The following CCDC81 variants were observed in gnomAD, a reference collection of about 807,000 sequenced individuals.
CCDC81 encodes coiled-coil domain containing 81, also known as coiled-coil domain-containing protein 81.
A neutral mutation model predicts 83.7 loss-of-function variants in CCDC81; 79 were observed. The observed-to-expected ratio is 0.94, with a 90% confidence interval of 0.79 to 1.14. The LOEUF is 1.14. CCDC81 is among the 50% of genes most tolerant of loss of function. The pLI, the probability that CCDC81 is intolerant of heterozygous loss-of-function variation, is 0.00. For missense variants in CCDC81, 791 were observed against 778.1 expected (o/e 1.02, Z -0.20); for synonymous variants, 252 against 278.1 (o/e 0.91, Z 0.93).
intron 13 of CCDC81, among the ~76,000 whole-genome samples, chr11:86,417,084 A>C (rs1277555855): frequency 2.6e-5 from 4 of 152,056 alleles, no homozygotes; most frequent in Non-Finnish European, 5.9e-5. Flanking sequence ...TCATTACTAA[A>C]AATACAAAAA....
intron 6 of CCDC81, 53 bp from the exon 7 acceptor site, chr11:86,400,625 A>T: frequency 6.5e-7 from 1 of 1,539,278 alleles, no homozygotes. Context: ...CTACACAGTT[A>T]GTGGTTTGAG....
At chr11:86,399,379 T>C (rs757601873) in intron 6 of CCDC81, among the ~76,000 whole-genome samples, 4 of 152,174 alleles carry the variant, frequency 2.6e-5, no homozygotes, top group Non-Finnish European at 4.4e-5. Flanking sequence ...TGGAGTGCAC[T>C]GTCTTGGCTC....
intron 7 of CCDC81, 125 bp downstream of exon 7, chr11:86,400,926 T>A (rs534502344): frequency 1.0e-6 from 1 of 966,836 alleles, no homozygotes; most frequent in South Asian, 2.0e-5. Context: ...GCTTTCTATA[T>A]GCAACATGAT....
At chr11:86,377,320 G>C (rs1034215675) in intron 1 of CCDC81, among the ~76,000 whole-genome samples, 2 of 152,092 alleles carry the variant, frequency 1.3e-5, no homozygotes, top group Non-Finnish European at 2.9e-5. Flanking sequence ...AAATACCCAG[G>C]GACATAATCG....
chr11:86,388,287 T>G (rs1948276149), intron 3 of CCDC81, among the ~76,000 whole-genome samples: 1 of 151,606 alleles, frequency 6.6e-6, no homozygotes, highest in South Asian at 2.1e-4. Flanking sequence ...TTCCAGGTGC[T>G]TGAGATATAG....
intron 13 of CCDC81, among the ~76,000 whole-genome samples, chr11:86,415,569 C>G (rs1389425232): frequency 6.6e-6 from 1 of 152,180 alleles, no homozygotes; most frequent in African/African-American, 2.4e-5. Context: ...TCTCTTGACA[C>G]TTTAGTGTTT....
intron 13 of CCDC81, among the ~76,000 whole-genome samples, chr11:86,416,717 C>T (rs375869352): frequency 6.6e-6 from 1 of 152,116 alleles, no homozygotes; most frequent in East Asian, 1.9e-4. Flanking sequence ...ATATTCTTTA[C>T]TGGTTATGGC....
intron 7 of CCDC81, 144 bp from the exon 8 acceptor site, chr11:86,407,470 C>T (rs1274338449): frequency 1.8e-6 from 1 of 568,698 alleles, no homozygotes; most frequent in African/African-American, 1.9e-5. Context: ...TTCTGTGGTA[C>T]ATATTCTTAA....
intron 7 of CCDC81, among the ~76,000 whole-genome samples, chr11:86,406,708 G>A (rs944131302): frequency 7.2e-5 from 11 of 152,142 alleles, no homozygotes; most frequent in African/African-American, 2.7e-4. Context: ...AGGAGGCCGA[G>A]GCAGGAGAAT....
intron 5 of CCDC81, 69 bp downstream of exon 5, chr11:86,395,482 C>A: frequency 1.7e-6 from 2 of 1,184,952 alleles, no homozygotes; most frequent in Non-Finnish European, 2.5e-6. Flanking sequence ...TCTCATTGGG[C>A]AGTGTTTCTC....
intron 1 of CCDC81, among the ~76,000 whole-genome samples, chr11:86,377,886 C>A (rs755333127): frequency 7.0e-6 from 1 of 142,250 alleles, no homozygotes; most frequent in Non-Finnish European, 1.5e-5. Context: ...TCTAGGAGTT[C>A]TGTGGTTTTG....
intron 10 of CCDC81, among the ~76,000 whole-genome samples, chr11:86,409,898 A>G (rs1274442073): frequency 6.6e-6 from 1 of 152,186 alleles, no homozygotes; most frequent in Non-Finnish European, 1.5e-5. Flanking sequence ...CTTGTTAATT[A>G]TGGTAATTCT....
chr11:86,401,124 A>G (rs1015547521), intron 7 of CCDC81, among the ~76,000 whole-genome samples: 3 of 152,138 alleles, frequency 2.0e-5, no homozygotes, highest in South Asian at 2.1e-4. Context: ...ATGTTTTCCG[A>G]GTGCTTGGAT....
chr11:86,394,918 G>T (rs1948382847), intron 4 of CCDC81, among the ~76,000 whole-genome samples: 2 of 152,118 alleles, frequency 1.3e-5, no homozygotes, highest in Non-Finnish European at 2.9e-5. Context: ...AGCAGTGTGG[G>T]GATTTGAACA....
intron 9 of CCDC81, 23 bp downstream of exon 9, chr11:86,408,293 C>A (rs1452799179): frequency 1.3e-6 from 2 of 1,592,770 alleles, no homozygotes; most frequent in Non-Finnish European, 8.5e-7. Flanking sequence ...CTCGATTAGT[C>A]TTTAATATGG....
chr11:86,376,224 C>T (rs887287282), intron 1 of CCDC81, among the ~76,000 whole-genome samples: 3 of 151,828 alleles, frequency 2.0e-5, no homozygotes, highest in Non-Finnish European at 4.4e-5. Flanking sequence ...GTAAATGATA[C>T]CAGGGAGGAG....
chr11:86,401,687 TAC>T (rs1317707965), intron 7 of CCDC81, among the ~76,000 whole-genome samples: 1 of 152,040 alleles, frequency 6.6e-6, no homozygotes, highest in Non-Finnish European at 1.5e-5. Flanking sequence ...TTATAAAACT[TAC>T]AGTGTTGCAG....
At chr11:86,408,624 C>T (rs1948595590) in intron 9 of CCDC81, among the ~76,000 whole-genome samples, 1 of 152,152 alleles carries the variant, frequency 6.6e-6, no homozygotes, top group Admixed American at 6.5e-5. Context: ...GGATTACAGG[C>T]ATTACCCACT....
At chr11:86,394,992 T>C (rs942333384) in intron 4 of CCDC81, 1 of 165,976 alleles carries the variant, frequency 6.0e-6, no homozygotes, top group Non-Finnish European at 1.3e-5. Context: ...GGGTCAAGAG[T>C]GGAATTAGAC....
Sources: allele counts gnomAD v4.1 joint callset (sites outside exome capture counted in the v4.1 genomes callset), GRCh38; gene constraint gnomAD v4.1.1; transcripts MANE v1.5; gene names NCBI Gene and HGNC (gene_info 2026-07-23, HGNC 2026-07-21).